Variants in ZNF236 observed in about 807,000 individuals in gnomAD.
ZNF236 encodes the protein regulated by glucose.
Under a neutral mutation model 191.2 loss-of-function variants are expected in ZNF236, and 50 were observed. The observed-to-expected ratio is 0.26, with a 90% CI of 0.21 to 0.33. ZNF236 has a LOEUF of 0.33. Among genes scored for constraint, ZNF236 ranks in the 10% least tolerant of loss-of-function variants. ZNF236 has a pLI of 1.00. For synonymous variants in ZNF236, 907 were observed against 928.8 expected, an observed-to-expected ratio of 0.98 and a Z score of 0.43; for missense variants, 1,754 against 2,374.5, an observed-to-expected ratio of 0.74 and a Z score of 5.43.
At chr18:76,847,844 T>G (rs1366787622) in intron 1 of ZNF236, among the ~76,000 whole-genome samples, 1 of 152,242 alleles carries the variant, frequency 6.6e-6, no homozygotes, top group Non-Finnish European at 1.5e-5. Flanking sequence ...GTAGAAATTT[T>G]GGAAGTATGG....
rs149802609 is a variant in ZNF236, at chr18:76,960,452, C to T, written c.5243-227C>T. ...CAGGCTGCATCCACCGTGGCCCTTC[C>T]ATGGCTCTCTGATCCCTCCGCCCCA... is the stretch of plus-strand genomic sequence containing the variant. On this transcript the variant is annotated intron_variant, in intron 29 of 30. Coordinates refer to ENST00000320610, the MANE Select transcript of ZNF236 (RefSeq NM_001306089.2). This position sits in a 1 kb window ranked among gnomAD's most constrained non-coding sequence, Gnocchi z 4.4. Among the ~76,000 whole-genome samples the T allele has an allele frequency of 5.6e-3, 853 of 152,242 alleles. 8 individuals carry two copies. Among genetic ancestry groups the T allele is most frequent in the African/African-American group, 0.02 (811 of 41,550 alleles).
intron 1 of ZNF236, among the ~76,000 whole-genome samples, chr18:76,828,118 G>T (rs1975066296): frequency 6.6e-6 from 1 of 151,850 alleles, no homozygotes; most frequent in Non-Finnish European, 1.5e-5. Flanking sequence ...ATGAATTCAA[G>T]AGCCCAAGGG....
rs562605073 is a variant in ZNF236, at chr18:76,924,695, G to T, written c.3662-494G>T. Among the ~76,000 whole-genome samples the T allele has an allele frequency of 3.3e-5, 5 of 152,326 alleles. No homozygotes were observed. In the South Asian group the frequency reaches 8.3e-4, roughly 25 times the overall value. ...CATGACACTAGGCACACAGCCCTTTGACCCTAGCATAGAACTTTCCTTTGC... is the reference window on the plus strand; with the variant it reads ...CATGACACTAGGCACACAGCCCTTTTACCCTAGCATAGAACTTTCCTTTGC... On this transcript the variant is annotated intron_variant, in intron 21 of 30. Transcript: ENST00000320610.
rs139688106 is a variant in ZNF236, at chr18:76,918,794, A to G, written c.3275-982A>G. Among the ~76,000 whole-genome samples the G allele has an allele frequency of 3.0e-4, 45 of 152,230 alleles. No individual in the cohort carries two copies. The East Asian group carries it at 7.7e-3, about 26-fold the overall frequency. On this transcript the variant is annotated intron_variant, in intron 19 of 30. Transcript: ENST00000320610. Reference sequence around the variant, plus strand: ...GGTCTCACACTCCTGGCCTGAAGCAATCTTTCCATCTCAGCTTCCCAAAGC... The same window carrying G: ...GGTCTCACACTCCTGGCCTGAAGCAGTCTTTCCATCTCAGCTTCCCAAAGC...
In ZNF236 at chr18:76,923,194, G is replaced by A. The variant is rs762338696; in HGVS notation, c.3661+20G>A. On this transcript the variant is annotated intron_variant, in intron 21 of 30. Coordinates refer to ENST00000320610, the MANE Select transcript of ZNF236 (RefSeq NM_001306089.2). The stretch of plus-strand genomic sequence containing the variant: ...ACACAGGTAAGGAAAACATGCCTGC[G>A]TCATTGGTAGAGGTCTTAGGATAGC... 12 of 1,499,354 alleles carry A rather than the reference G, an allele frequency of 8.0e-6. No homozygotes were observed. Among genetic ancestry groups the A allele is most frequent in the African/African-American group, 1.4e-5 (1 of 72,620 alleles). The allele number at this position is 1,499,354 out of a possible 1,614,324, so 92.9% of individuals were successfully genotyped here.
intron 1 of ZNF236, among the ~76,000 whole-genome samples, chr18:76,825,671 TTAAA>T (rs1322874790): frequency 1.3e-5 from 2 of 152,266 alleles, no homozygotes; most frequent in Non-Finnish European, 2.9e-5. Flanking sequence ...AGTAGACATT[TTAAA>T]TAAGTAAATA....
rs542894186 is a variant in ZNF236 at position 76,971,460 on chromosome 18, C to T, written c.*3121C>T. 6.6e-6 allele frequency among the ~76,000 whole-genome samples: 1 copy of T among 152,330 alleles called. No homozygotes were observed. Among genetic ancestry groups the T allele is most frequent in the East Asian group, 1.9e-4 (1 of 5,182 alleles). ...TGCTGGTGGGACATGAACATCAGTG[C>T]TTGTCTGGCACTTAACTAGGGGATG... On this transcript the variant is annotated 3_prime_UTR_variant, in exon 31 of 31. Transcript: ENST00000320610.
chr18:76,899,760 A>C (rs1389605753), intron 11 of ZNF236, among the ~76,000 whole-genome samples: 2 of 152,234 alleles, frequency 1.3e-5, no homozygotes, highest in African/African-American at 2.4e-5. Context: ...TCTTTAGAAA[A>C]ATTATATTTG....
intron 3 of ZNF236, among the ~76,000 whole-genome samples, chr18:76,860,266 C>T (rs770024466): frequency 1.4e-4 from 21 of 152,040 alleles, no homozygotes; most frequent in Middle Eastern, 3.2e-3. Context: ...TGGCCCAACC[C>T]GAGGACGACA....
At chr18:76,962,960 T>C (rs1057178937) in intron 30 of ZNF236, among the ~76,000 whole-genome samples, 4 of 152,230 alleles carry the variant, frequency 2.6e-5, no homozygotes, top group Admixed American at 2.6e-4. Context: ...TTTCATCAGT[T>C]CTAGGAGCTT....
intron 9 of ZNF236, among the ~76,000 whole-genome samples, chr18:76,881,817 T>C (rs1257508922): frequency 6.6e-6 from 1 of 152,266 alleles, no homozygotes; most frequent in East Asian, 1.9e-4. Context: ...CTGTTCTCTC[T>C]CTGCCCTGCT....
chr18:76,846,008 C>T (rs530728478), intron 1 of ZNF236, among the ~76,000 whole-genome samples: 2 of 152,326 alleles, frequency 1.3e-5, no homozygotes, highest in South Asian at 4.1e-4. Flanking sequence ...GAGACGTGTG[C>T]ATATGTGCAG....
intron 3 of ZNF236, among the ~76,000 whole-genome samples, chr18:76,864,657 G>A (rs1976351816): frequency 6.7e-6 from 1 of 150,164 alleles, no homozygotes; most frequent in Admixed American, 6.7e-5. Context: ...GTTGATGGTC[G>A]AAGCAGAAAT....
chr18:76,850,655 G>T (rs1255557778), intron 2 of ZNF236, among the ~76,000 whole-genome samples: 1 of 151,926 alleles, frequency 6.6e-6, no homozygotes, highest in Non-Finnish European at 1.5e-5. Flanking sequence ...GCCCAGCCTG[G>T]AGAGTGGCAC....
At chr18:76,883,443 A>G (rs1976958038) in intron 9 of ZNF236, among the ~76,000 whole-genome samples, 1 of 137,294 alleles carries the variant, frequency 7.3e-6, no homozygotes, top group Non-Finnish European at 1.5e-5. Context: ...ATTTTTTTTG[A>G]GACTGGGTCT....
At chr18:76,870,550 A>G (rs1386648300) in intron 4 of ZNF236, among the ~76,000 whole-genome samples, 1 of 152,204 alleles carries the variant, frequency 6.6e-6, no homozygotes, top group African/African-American at 2.4e-5. Context: ...GAAGATAGGT[A>G]GTGACCAAGT....
chr18:76,955,764 G>C lies in ZNF236; in HGVS notation c.4915-221G>C, dbSNP rs190768635. 2.3e-3 allele frequency among the ~76,000 whole-genome samples: 345 copies of C among 152,290 alleles called. 1 individual carries two copies. Among genetic ancestry groups the C allele is most frequent in the Middle Eastern group, 6.8e-3 (2 of 294 alleles). On this transcript the variant is annotated intron_variant, in intron 27 of 30. Coordinates refer to ENST00000320610, the MANE Select transcript of ZNF236 (RefSeq NM_001306089.2). The stretch of plus-strand genomic sequence containing the variant: ...CGGCGCCAGAGCTCATTCCTTAGCT[G>C]CTGTTGTGTGGTCTCAATCTTGCAG...
At position 76,919,753 on chromosome 18, in the gene ZNF236, C is replaced by CCCTTT; in HGVS notation, c.3275-22_3275-18dup. On this transcript the variant is annotated intron_variant, in intron 19 of 30. Transcript: ENST00000320610. The surrounding 1 kb of genome is among the most constrained non-coding windows in gnomAD (Gnocchi z 5.3). The stretch of plus-strand genomic sequence containing the variant: ...AGGTTTTCTTCATTACGATTTTGAT[C>CCCTTT]CCTTTTCCTTGATTTTGTGTAGACA... 3 of 1,604,256 alleles carry CCCTTT rather than the reference C, an allele frequency of 1.9e-6. No individual in the cohort carries two copies. The highest frequency in any genetic ancestry group is 2.6e-6 in the Non-Finnish European group (3 of 1,172,004).
At chr18:76,959,508 GTGTTGTCACTC>G (rs1433730785) in intron 28 of ZNF236, among the ~76,000 whole-genome samples, 168 bp from the exon 29 acceptor site, 2 of 152,210 alleles carry the variant, frequency 1.3e-5, no homozygotes, top group Non-Finnish European at 2.9e-5. Flanking sequence ...AGAAGCCCCA[GTGTTGTCACTC>G]TGTTGTCACT....
Sources: allele counts gnomAD v4.1 joint callset (sites outside exome capture counted in the v4.1 genomes callset), GRCh38; gene constraint gnomAD v4.1.1; non-coding constraint Gnocchi (gnomAD v3.1); transcripts MANE v1.5; gene names NCBI Gene and HGNC (gene_info 2026-07-23, HGNC 2026-07-21).